The following ADGRB3 variants were observed in gnomAD, a reference collection of about 807,000 sequenced individuals.
ADGRB3 encodes the protein brain-specific angiogenesis inhibitor 3.
Under a neutral mutation model 193.4 loss-of-function variants are expected in ADGRB3, and 37 were observed. The ratio of observed to expected loss-of-function variants is 0.19; its 90% CI spans 0.15 to 0.25. ADGRB3 has a LOEUF of 0.25. ADGRB3 is among the 10% of genes least tolerant of loss of function. The pLI, the probability that ADGRB3 is intolerant of heterozygous loss-of-function variation, is 1.00. For synonymous variants in ADGRB3, 690 were observed against 644.2 expected, an observed-to-expected ratio of 1.07 and a Z score of -1.08; for missense variants, 1,637 against 1,852.9, an observed-to-expected ratio of 0.88 and a Z score of 2.14.
At chr6:69,079,956 C>A (rs951259915) in intron 17 of ADGRB3, among the ~76,000 whole-genome samples, 3 of 152,006 alleles carry the variant, frequency 2.0e-5, no homozygotes, top group Admixed American at 2.0e-4. Context: ...TTCTTCATTT[C>A]AAATTGATTT....
At chr6:68,756,268 G>C (rs1373155762) in intron 3 of ADGRB3, among the ~76,000 whole-genome samples, 1 of 152,190 alleles carries the variant, frequency 6.6e-6, no homozygotes, top group Non-Finnish European at 1.5e-5. Context: ...TTTAAGAAGA[G>C]AGTAACTTTA....
chr6:68,820,373 A>G (rs1245484234), intron 3 of ADGRB3, among the ~76,000 whole-genome samples: 1 of 151,936 alleles, frequency 6.6e-6, no homozygotes, highest in African/African-American at 2.4e-5. Context: ...TAGTAGACAT[A>G]TACGTATATG....
At chr6:69,181,012 G>A (rs906653182) in intron 17 of ADGRB3, among the ~76,000 whole-genome samples, 34 of 152,134 alleles carry the variant, frequency 2.2e-4, no homozygotes, top group African/African-American at 6.3e-4. Flanking sequence ...AAAAGAAAAC[G>A]TACTCCCTCA....
At chr6:68,726,758 T>C (rs1302711322) in intron 3 of ADGRB3, among the ~76,000 whole-genome samples, 1 of 151,676 alleles carries the variant, frequency 6.6e-6, no homozygotes, top group Admixed American at 6.6e-5. Flanking sequence ...TGCTGTATTT[T>C]ATGTTTGTTA....
At chr6:69,176,259 T>A (rs1466649342) in intron 17 of ADGRB3, among the ~76,000 whole-genome samples, 1 of 152,226 alleles carries the variant, frequency 6.6e-6, no homozygotes, top group East Asian at 1.9e-4. Flanking sequence ...TTCAGTATGA[T>A]GTTAGCTGCA....
intron 20 of ADGRB3, among the ~76,000 whole-genome samples, chr6:69,258,728 A>G (rs1342983553): frequency 6.6e-6 from 1 of 152,246 alleles, no homozygotes; most frequent in Non-Finnish European, 1.5e-5. Flanking sequence ...CCAAGACAGT[A>G]GTGGTTCCCA....
chr6:68,800,809 G>A (rs922401018), intron 3 of ADGRB3, among the ~76,000 whole-genome samples: 2 of 152,052 alleles, frequency 1.3e-5, no homozygotes, highest in African/African-American at 4.8e-5. Context: ...AAAAATAAAA[G>A]CATTAATATT....
chr6:69,020,187 A>C (rs562340387), intron 13 of ADGRB3, among the ~76,000 whole-genome samples: 1 of 152,234 alleles, frequency 6.6e-6, no homozygotes, highest in African/African-American at 2.4e-5. Context: ...TTAACATCTA[A>C]TCCTAAAAGG....
chr6:69,191,188 C>CT (rs1412070608), intron 17 of ADGRB3, among the ~76,000 whole-genome samples: 1 of 152,122 alleles, frequency 6.6e-6, no homozygotes, highest in African/African-American at 2.4e-5. Flanking sequence ...TATAATAAAT[C>CT]TAAGACTAGA....
chr6:69,231,791 G>A (rs930930222), intron 17 of ADGRB3, among the ~76,000 whole-genome samples: 2 of 152,054 alleles, frequency 1.3e-5, no homozygotes, highest in East Asian at 3.9e-4. Context: ...AACTCTCTTC[G>A]AATACAGTGC....
chr6:68,715,039 T>A (rs1562003446), intron 3 of ADGRB3, among the ~76,000 whole-genome samples: 2 of 151,876 alleles, frequency 1.3e-5, no homozygotes, highest in Admixed American at 1.3e-4. Flanking sequence ...ATTACAGCTT[T>A]GCATTAAAAA....
intron 17 of ADGRB3, among the ~76,000 whole-genome samples, chr6:69,105,248 T>G (rs1773175137): frequency 6.6e-6 from 1 of 152,206 alleles, no homozygotes; most frequent in East Asian, 1.9e-4. Context: ...TTCTCCCACC[T>G]TTCCCTCCTG....
intron 3 of ADGRB3, among the ~76,000 whole-genome samples, chr6:68,852,929 C>G (rs936206306): frequency 1.3e-5 from 2 of 151,866 alleles, no homozygotes; most frequent in Non-Finnish European, 1.5e-5. Context: ...ACTAAAATGC[C>G]AGGAATGGAA....
chr6:69,075,290 C>T (rs1772195227), intron 16 of ADGRB3, among the ~76,000 whole-genome samples: 1 of 152,154 alleles, frequency 6.6e-6, no homozygotes, highest in South Asian at 2.1e-4. Context: ...ATGACAGAAT[C>T]TGTAGAAACA....
chr6:69,316,054 G>A (rs1345441412), intron 20 of ADGRB3, among the ~76,000 whole-genome samples: 1 of 150,776 alleles, frequency 6.6e-6, no homozygotes, highest in Non-Finnish European at 1.5e-5. Flanking sequence ...TAATCTTTCT[G>A]TCATAACAAA....
chr6:68,751,363 C>T (rs973242650), intron 3 of ADGRB3, among the ~76,000 whole-genome samples: 23 of 152,138 alleles, frequency 1.5e-4, no homozygotes, highest in Admixed American at 9.8e-4. Flanking sequence ...TTTCCCCCAA[C>T]CCACTGTCCT....
In ADGRB3 at chr6:68,965,003, G is replaced by T. The variant is rs1235703099; in HGVS notation, c.1525+8194G>T. ...ATCATCTCTTAGCTTAGTGGCCTCA[G>T]GCTAAACACTAAACACTTTCTGTCT... On this transcript the variant is annotated intron_variant, in intron 8 of 31. Coordinates refer to ENST00000370598, the MANE Select transcript of ADGRB3 (RefSeq NM_001704.3). Among the ~76,000 whole-genome samples, 5 of 152,054 alleles carry T rather than the reference G, an allele frequency of 3.3e-5. No homozygotes were observed. In the East Asian group the frequency reaches 9.6e-4, roughly 29 times the overall value.
At chr6:68,695,457 T>A (rs909283446) in intron 3 of ADGRB3, among the ~76,000 whole-genome samples, 5 of 152,056 alleles carry the variant, frequency 3.3e-5, no homozygotes, top group Non-Finnish European at 7.4e-5. Context: ...ATCTAAACTT[T>A]CAGCAAAAGG....
intron 17 of ADGRB3, among the ~76,000 whole-genome samples, chr6:69,178,611 A>AACTCCCTT (rs1181233514): frequency 1.3e-5 from 2 of 152,176 alleles, no homozygotes; most frequent in Admixed American, 6.5e-5. Flanking sequence ...CCATGTTTAG[A>AACTCCCTT]ACTCCCTTAA....
Sources: gnomAD v4.1 joint callset for allele counts (sites outside exome capture counted in the v4.1 genomes callset) on GRCh38, gnomAD v4.1.1 for gene constraint, MANE v1.5 for transcripts, NCBI Gene and HGNC (gene_info 2026-07-23, HGNC 2026-07-21) for gene names.